Variants in AKAP6 observed in about 807,000 individuals in gnomAD.
The protein encoded by AKAP6 is A-kinase anchor protein 6.
A neutral mutation model predicts 188.5 loss-of-function variants in AKAP6; 58 were observed. The observed-to-expected ratio is 0.31, with a 90% CI of 0.25 to 0.38. The LOEUF is 0.38. Ranked by LOEUF, AKAP6 falls within the 10% of genes least tolerant of loss-of-function variation. The pLI is 1.00. For missense variants in AKAP6, 2,710 were observed against 2,740.0 expected, an observed-to-expected ratio of 0.99 and a Z score of 0.24; for synonymous variants, 989 against 998.6, an observed-to-expected ratio of 0.99 and a Z score of 0.18.
intron 1 of AKAP6, among the ~76,000 whole-genome samples, chr14:32,371,093 A>G (rs1275665130): frequency 2.1e-5 from 3 of 144,894 alleles, no homozygotes; most frequent in Non-Finnish European, 4.6e-5. Flanking sequence ...GAAACAGGAA[A>G]AGTAACTAAG....
intron 1 of AKAP6, among the ~76,000 whole-genome samples, chr14:32,353,720 G>A (rs961956375): frequency 6.6e-6 from 1 of 152,094 alleles, no homozygotes; most frequent in African/African-American, 2.4e-5. Flanking sequence ...CATCATCTCA[G>A]CCCAAAATCT....
intron 1 of AKAP6, among the ~76,000 whole-genome samples, chr14:32,426,567 A>G (rs1890037835): frequency 6.6e-6 from 1 of 152,198 alleles, no homozygotes; most frequent in South Asian, 2.1e-4. Flanking sequence ...CTCTGTCATG[A>G]CAATTTCTTG....
intron 9 of AKAP6, among the ~76,000 whole-genome samples, chr14:32,731,089 A>C (rs1462767460): frequency 6.6e-6 from 1 of 152,200 alleles, no homozygotes; most frequent in Non-Finnish European, 1.5e-5. Flanking sequence ...TTCATTAATA[A>C]TATGAAATGC....
chr14:32,521,762 C>T (rs1486391582), intron 2 of AKAP6, among the ~76,000 whole-genome samples: 3 of 152,086 alleles, frequency 2.0e-5, no homozygotes, highest in African/African-American at 7.2e-5. Context: ...GCCATACTGC[C>T]CAAGGTAATT....
At chr14:32,679,991 C>A (rs1889604926) in intron 8 of AKAP6, among the ~76,000 whole-genome samples, 1 of 152,156 alleles carries the variant, frequency 6.6e-6, no homozygotes, top group Admixed American at 6.6e-5. Flanking sequence ...AACTTTAGGT[C>A]ACATTTTCAT....
intron 7 of AKAP6, among the ~76,000 whole-genome samples, chr14:32,610,790 G>A (rs1429632547): frequency 6.6e-6 from 1 of 152,214 alleles, no homozygotes; most frequent in Non-Finnish European, 1.5e-5. Context: ...ACAGTGAATA[G>A]TTTGGCTTCT....
At chr14:32,334,346 C>A (rs890858052) in intron 1 of AKAP6, among the ~76,000 whole-genome samples, 3 of 152,188 alleles carry the variant, frequency 2.0e-5, no homozygotes, top group Admixed American at 1.3e-4. Flanking sequence ...GTGTATCATT[C>A]CTTTGTCCAG....
chr14:32,395,674 C>G (rs2138596929), intron 1 of AKAP6, among the ~76,000 whole-genome samples: 1 of 152,284 alleles, frequency 6.6e-6, no homozygotes, highest in Non-Finnish European at 1.5e-5. Context: ...ATGTTGATGT[C>G]TAAGGATTAT....
intron 1 of AKAP6, among the ~76,000 whole-genome samples, chr14:32,340,717 G>A (rs11623149): frequency 0.056 from 8,521 of 152,274 alleles, 367 homozygotes; most frequent in Non-Finnish European, 0.081. Context: ...GTAAACAACA[G>A]AAATTTATTT....
chr14:32,660,693 C>T (rs1188392609), intron 7 of AKAP6, among the ~76,000 whole-genome samples: 3 of 151,684 alleles, frequency 2.0e-5, no homozygotes, highest in African/African-American at 4.8e-5. Flanking sequence ...GGTAGATATT[C>T]GATTCATGAA....
At chr14:32,488,242 TAG>T (rs1879809165) in intron 2 of AKAP6, among the ~76,000 whole-genome samples, 1 of 152,202 alleles carries the variant, frequency 6.6e-6, no homozygotes, top group South Asian at 2.1e-4. Flanking sequence ...AGGAGGAATC[TAG>T]AGAGGCAGTC....
chr14:32,723,441 T>C (rs541281122), intron 9 of AKAP6, among the ~76,000 whole-genome samples: 1 of 152,296 alleles, frequency 6.6e-6, no homozygotes, highest in African/African-American at 2.4e-5. Flanking sequence ...TATAAAGTAG[T>C]TGCCTGCAGA....
chr14:32,598,220 C>G (rs1300293032), intron 5 of AKAP6, among the ~76,000 whole-genome samples: 1 of 152,158 alleles, frequency 6.6e-6, no homozygotes, highest in African/African-American at 2.4e-5. Context: ...ATACCAAGTA[C>G]AGTGCAGTGC....
chr14:32,617,708 C>T (rs865956269), intron 7 of AKAP6, among the ~76,000 whole-genome samples: 4 of 152,222 alleles, frequency 2.6e-5, no homozygotes, highest in South Asian at 2.1e-4. Context: ...TCACTGCAAC[C>T]TTTGCCTCCC....
intron 7 of AKAP6, among the ~76,000 whole-genome samples, chr14:32,657,623 A>G (rs59199362): frequency 1.2e-4 from 18 of 152,190 alleles, no homozygotes; most frequent in African/African-American, 4.3e-4. Flanking sequence ...ATTTTGATCT[A>G]TCTGCAGTAT....
chr14:32,493,133 C>T (rs961636404), intron 2 of AKAP6, among the ~76,000 whole-genome samples: 3 of 152,160 alleles, frequency 2.0e-5, no homozygotes, highest in South Asian at 2.1e-4. Context: ...TCTAATTTAT[C>T]GTCAGAAGTG....
In AKAP6 at chr14:32,836,092, G is replaced by T. The variant is rs763532213; in HGVS notation, c.*6287G>T. The T allele has an allele frequency of 1.3e-5, 2 of 152,218 alleles. No individual in the cohort carries two copies. The highest frequency in any genetic ancestry group is 4.1e-4 in the South Asian group (2 of 4,830). The allele number at this position is 152,218 out of a possible 1,614,324, so 9.4% of individuals were successfully genotyped here. A position where few individuals can be genotyped will look rare whatever the true frequency, so the allele number is the denominator to read the frequency against. ...TGCATTTTGAAGTAAATCATTGCCT[G>T]CATAAAGCAACTCTTTTGTCTCTTT... On this transcript the variant is annotated 3_prime_UTR_variant, in exon 14 of 14. Transcript: ENST00000280979.
chr14:32,401,258 T>C (rs934562214), intron 1 of AKAP6, among the ~76,000 whole-genome samples: 2 of 152,058 alleles, frequency 1.3e-5, no homozygotes, highest in Non-Finnish European at 2.9e-5. Context: ...ATTCCATAAA[T>C]AGAAAAAAAA....
chr14:32,516,732 T>C (rs1881541981), intron 2 of AKAP6, among the ~76,000 whole-genome samples: 1 of 152,222 alleles, frequency 6.6e-6, no homozygotes, highest in Non-Finnish European at 1.5e-5. Flanking sequence ...GAATTGGATA[T>C]ATCAATTGTG....
Sources: allele counts gnomAD v4.1 joint callset (sites outside exome capture counted in the v4.1 genomes callset), GRCh38; gene constraint gnomAD v4.1.1; transcripts MANE v1.5; gene names NCBI Gene and HGNC (gene_info 2026-07-23, HGNC 2026-07-21).